PAPPA: variants seen among roughly 807,000 people sequenced by gnomAD.
PAPPA encodes pappalysin 1, also known as pappalysin-1.
In PAPPA, 60 loss-of-function variants were observed where a neutral mutation model predicts 164.0. The ratio of observed to expected loss-of-function variants is 0.37; its 90% CI spans 0.30 to 0.45. PAPPA has a LOEUF of 0.45. PAPPA is among the 20% of genes least tolerant of loss of function. The pLI is 1.00. For missense variants in PAPPA, 1,782 were observed against 2,087.3 expected, an observed-to-expected ratio of 0.85 and a Z score of 2.85; for synonymous variants, 875 against 814.1, an observed-to-expected ratio of 1.07 and a Z score of -1.27.
At chr9:116,217,771 A>G (rs961845169) in intron 4 of PAPPA, among the ~76,000 whole-genome samples, 6 of 152,090 alleles carry the variant, frequency 3.9e-5, no homozygotes, top group African/African-American at 1.4e-4. Flanking sequence ...GAGATGAGCA[A>G]TCGCGTTATC....
intron 21 of PAPPA, among the ~76,000 whole-genome samples, chr9:116,394,847 T>TTTGTCTCAAAG (rs1846941619): frequency 6.6e-6 from 1 of 152,156 alleles, no homozygotes; most frequent in Non-Finnish European, 1.5e-5. Context: ...TAGCCATAAG[T>TTTGTCTCAAAG]ACAAAGAGTC....
chr9:116,375,123 A>G (rs1384256106), intron 19 of PAPPA, among the ~76,000 whole-genome samples: 1 of 152,264 alleles, frequency 6.6e-6, no homozygotes, highest in Non-Finnish European at 1.5e-5. Context: ...TGATGTTTTC[A>G]GTACCTATCT....
chr9:116,229,417 T>A (rs1844557436), intron 6 of PAPPA, among the ~76,000 whole-genome samples: 1 of 152,246 alleles, frequency 6.6e-6, no homozygotes, highest in Non-Finnish European at 1.5e-5. Flanking sequence ...TGTGCTCTGA[T>A]AGCTAATGGA....
At chr9:116,322,410 CAAAAAAAAAAAAAA>C (rs34749732) in intron 10 of PAPPA, among the ~76,000 whole-genome samples, 1 of 56,356 alleles carries the variant, frequency 1.8e-5, no homozygotes, top group Non-Finnish European at 3.4e-5. Context: ...GACTTAGTCT[CAAAAAAAAAAAAAA>C]AAAAAAAAAG....
chr9:116,295,819 C>A (rs1045615586), intron 9 of PAPPA, among the ~76,000 whole-genome samples: 2 of 152,148 alleles, frequency 1.3e-5, no homozygotes, highest in South Asian at 2.1e-4. Flanking sequence ...GTCAAGGAAG[C>A]CTTCTCTCAT....
At chr9:116,377,208 GCGCA>G (rs749720420) in intron 19 of PAPPA, among the ~76,000 whole-genome samples, 3 of 146,070 alleles carry the variant, frequency 2.1e-5, no homozygotes, top group Non-Finnish European at 3.0e-5. Flanking sequence ...ACACACACAT[GCGCA>G]CACACACACA....
chr9:116,238,764 G>A (rs1295465901), intron 7 of PAPPA, among the ~76,000 whole-genome samples: 1 of 152,082 alleles, frequency 6.6e-6, no homozygotes, highest in African/African-American at 2.4e-5. Context: ...TGGAGATCTG[G>A]GCTGGGATGG....
At chr9:116,305,134 GACACACACACACACACACACAC>G (rs57723920) in intron 10 of PAPPA, among the ~76,000 whole-genome samples, 2 of 129,864 alleles carry the variant, frequency 1.5e-5, no homozygotes. Flanking sequence ...TGGGCACACA[GACACACACACACACACACACAC>G]ACACACACAC....
intron 9 of PAPPA, among the ~76,000 whole-genome samples, chr9:116,276,929 CT>C (rs1336166186): frequency 6.6e-6 from 1 of 152,072 alleles, no homozygotes; most frequent in African/African-American, 2.4e-5. Context: ...TTCACCGAGC[CT>C]TGTGGCCCCT....
chr9:116,206,922 G>T (rs1304560259), intron 2 of PAPPA, among the ~76,000 whole-genome samples: 1 of 152,182 alleles, frequency 6.6e-6, no homozygotes, highest in Non-Finnish European at 1.5e-5. Context: ...TTTTCTGTAT[G>T]CAGTGGGGTG....
At chr9:116,261,536 A>G (rs760871741) in intron 7 of PAPPA, among the ~76,000 whole-genome samples, 11 of 152,220 alleles carry the variant, frequency 7.2e-5, no homozygotes, top group Non-Finnish European at 1.5e-4. Flanking sequence ...TGACTTGTCT[A>G]CAGATTTCAG....
intron 1 of PAPPA, among the ~76,000 whole-genome samples, chr9:116,165,598 C>A (rs745539467): frequency 3.3e-5 from 5 of 152,182 alleles, no homozygotes; most frequent in Non-Finnish European, 7.4e-5. Context: ...ACCTGCCCAC[C>A]AACATCCAAC....
intron 4 of PAPPA, among the ~76,000 whole-genome samples, chr9:116,218,555 C>T (rs760647884): frequency 5.3e-5 from 8 of 152,070 alleles, no homozygotes; most frequent in African/African-American, 1.9e-4. Context: ...GAAATGCAAG[C>T]GTTCTCCCTC....
Position 116,294,174 on chromosome 9 carries a change from C to T in PAPPA, c.2954-8583C>T, listed in dbSNP as rs541313234. 3.3e-5 allele frequency among the ~76,000 whole-genome samples: 5 copies of T among 152,188 alleles called. No individual in the cohort carries two copies. In the South Asian group the frequency reaches 1.0e-3, roughly 32 times the overall value. On this transcript the variant is annotated intron_variant, in intron 9 of 21. Coordinates refer to ENST00000328252, the MANE Select transcript of PAPPA (RefSeq NM_002581.5). ...TAGAGTTAGTGTGATAATGTGATTA[C>T]TTCCAGGGATGCTCTTCTTTTCCAG...
intron 15 of PAPPA, among the ~76,000 whole-genome samples, chr9:116,348,392 A>G (rs1408612629): frequency 6.6e-6 from 1 of 151,862 alleles, no homozygotes. Flanking sequence ...GAGGTGATCA[A>G]TTTCAACTTT....
intron 10 of PAPPA, among the ~76,000 whole-genome samples, chr9:116,326,766 C>A (rs1168366916): frequency 6.6e-6 from 1 of 152,174 alleles, no homozygotes; most frequent in Non-Finnish European, 1.5e-5. Flanking sequence ...CTAGCAACCA[C>A]CATTCATTTT....
rs554355760 is a variant in PAPPA at position 116,154,344 on chromosome 9, TCGCCGC to T, written c.190_195del (p.Pro64_Pro65del). 2.4e-5 allele frequency: 20 copies of T among 825,736 alleles called. 1 individual carries two copies. Among genetic ancestry groups the T allele is most frequent in the South Asian group, 1.7e-4 (3 of 17,884 alleles). 51.2% of individuals were successfully genotyped at this position (825,736 alleles called of 1,614,324 possible). A position where few individuals can be genotyped will look rare whatever the true frequency, so the allele number is the denominator to read the frequency against. ...CCGGGCGGCCCGCGGCCGCCGCGCC[TCGCCGC>T]CGCCGCCGCCGCCGCCGGGCGGTGC... On this transcript the variant is annotated inframe_deletion, in exon 1 of 22. Coordinates refer to ENST00000328252, the MANE Select transcript of PAPPA (RefSeq NM_002581.5). The surrounding 1 kb of genome is among the most constrained non-coding windows in gnomAD (Gnocchi z 5.2).
intron 10 of PAPPA, among the ~76,000 whole-genome samples, chr9:116,314,227 C>T (rs1029129918): frequency 6.6e-6 from 1 of 151,808 alleles, no homozygotes; most frequent in Non-Finnish European, 1.5e-5. Context: ...CACACCACCA[C>T]ATCCAACTAA....
At chr9:116,184,250 C>G (rs182641920) in intron 1 of PAPPA, among the ~76,000 whole-genome samples, 19 of 152,296 alleles carry the variant, frequency 1.2e-4, no homozygotes, top group African/African-American at 3.6e-4. Flanking sequence ...CACTTCAAAT[C>G]TGGAGTTGGA....
Sources: allele counts gnomAD v4.1 joint callset (sites outside exome capture counted in the v4.1 genomes callset), GRCh38; gene constraint gnomAD v4.1.1; non-coding constraint Gnocchi (gnomAD v3.1); transcripts MANE v1.5; gene names NCBI Gene and HGNC (gene_info 2026-07-23, HGNC 2026-07-21).